NEXN: variants seen among roughly 807,000 people sequenced by gnomAD.
NEXN encodes nexilin.
NEXN carries 65 observed loss-of-function variants against 92.6 expected under a neutral mutation model. The ratio of observed to expected loss-of-function variants is 0.70; its 90% CI spans 0.57 to 0.86. The LOEUF (loss-of-function observed/expected upper bound fraction) is 0.86, where lower values mean the gene tolerates loss of function less well. NEXN is among the 40% of genes least tolerant of loss of function. NEXN has a pLI of 0.00. For synonymous variants in NEXN, 254 were observed against 242.5 expected (o/e 1.05, Z -0.44); for missense variants, 778 against 771.1 (o/e 1.01, Z -0.11).
intron 4 of NEXN, 24 bp downstream of exon 4, chr1:77,918,062 GTAAAT>G (rs1649116401): frequency 6.2e-7 from 1 of 1,612,504 alleles, no homozygotes; most frequent in Admixed American, 1.7e-5. Flanking sequence ...GGGGTAAATA[GTAAAT>G]TAAATTGCAA....
chr1:77,921,477 C>T (rs546835971), intron 5 of NEXN, among the ~76,000 whole-genome samples: 5 of 152,254 alleles, frequency 3.3e-5, no homozygotes, highest in African/African-American at 1.2e-4. Flanking sequence ...CAGAGTCTTG[C>T]TCTGTTGCCC....
At chr1:77,915,239 G>C (rs997416020) in intron 1 of NEXN, among the ~76,000 whole-genome samples, 1 of 152,112 alleles carries the variant, frequency 6.6e-6, no homozygotes, top group African/African-American at 2.4e-5. Flanking sequence ...CTTGAGCCCA[G>C]GAGTTCAAGG....
intron 5 of NEXN, among the ~76,000 whole-genome samples, chr1:77,920,281 G>A (rs1260925003): frequency 6.6e-6 from 1 of 152,160 alleles, no homozygotes; most frequent in Non-Finnish European, 1.5e-5. Context: ...ATAATTTAAT[G>A]TATCTTTGAA....
chr1:77,902,444 T>C (rs992893473), intron 1 of NEXN, among the ~76,000 whole-genome samples: 1 of 114,376 alleles, frequency 8.7e-6, no homozygotes, highest in African/African-American at 2.7e-5. Flanking sequence ...GCAAGAATTA[T>C]AGGTTTTGAT....
At position 77,943,155 on chromosome 1, in the gene NEXN, TACTC is replaced by T. The variant is rs1238749666; in HGVS notation, c.*328_*331del. 2 of 346,356 alleles carry T rather than the reference TACTC, an allele frequency of 5.8e-6. No homozygotes were observed. Among genetic ancestry groups the T allele is most frequent in the Admixed American group, 4.0e-5 (1 of 25,010 alleles). The allele number at this position is 346,356 out of a possible 1,614,324, so 21.5% of individuals were successfully genotyped here. ...ATAAAATGTACTTATGGGGGGGAAT[TACTC>T]AATTATTCTATCAGAACCTATTATA... On this transcript the variant is annotated 3_prime_UTR_variant, in exon 13 of 13. Transcript: ENST00000334785.
At position 77,943,384 on chromosome 1, in the gene NEXN, G is replaced by A; in HGVS notation, c.*555G>A. The A allele has an allele frequency of 6.1e-6, 1 of 164,590 alleles. No individual in the cohort carries two copies. The highest frequency in any genetic ancestry group is 5.9e-5 in the Admixed American group (1 of 16,810). 10.2% of individuals were successfully genotyped at this position (164,590 alleles called of 1,614,324 possible). On this transcript the variant is annotated 3_prime_UTR_variant, in exon 13 of 13. Coordinates refer to ENST00000334785, the MANE Select transcript of NEXN (RefSeq NM_144573.4). ...ATTTGAGTGGACTTTTTCTTTAGTAGTACACCATTTTGGTTGTTGTAGTTT... is the reference window on the plus strand; with the variant it reads ...ATTTGAGTGGACTTTTTCTTTAGTAATACACCATTTTGGTTGTTGTAGTTT...
intron 1 of NEXN, among the ~76,000 whole-genome samples, chr1:77,897,317 A>C (rs567044062): frequency 6.6e-6 from 1 of 152,368 alleles, no homozygotes; most frequent in East Asian, 1.9e-4. Context: ...CACCATGATC[A>C]AGTGGGCTTC....
intron 1 of NEXN, among the ~76,000 whole-genome samples, chr1:77,897,957 A>C (rs1446685673): frequency 2.6e-5 from 4 of 151,880 alleles, no homozygotes; most frequent in African/African-American, 7.3e-5. Flanking sequence ...TTACAAGGGA[A>C]GTGAAGGACC....
chr1:77,893,141 A>G (rs150409193), intron 1 of NEXN, among the ~76,000 whole-genome samples: 3,737 of 152,284 alleles, frequency 0.025, 52 homozygotes, highest in Middle Eastern at 0.065. Flanking sequence ...TGCTGGGATT[A>G]CAGGTGTGAG....
rs576835484 is a variant in NEXN, at chr1:77,897,743, T to C, written c.-53+8984T>C. On this transcript the variant is annotated intron_variant, in intron 1 of 12. Transcript: ENST00000334785. ...TTGTCCCTGTTTGCAGATGACATGA[T>C]TGTATATGTAGAAAACCCCACTGTC... Among the ~76,000 whole-genome samples the C allele has an allele frequency of 3.3e-5, 5 of 152,360 alleles. No homozygotes were observed. In the East Asian group the frequency reaches 7.7e-4, roughly 23 times the overall value.
At chr1:77,941,584 G>C (rs1651312680) in intron 11 of NEXN, 1 of 172,434 alleles carries the variant, frequency 5.8e-6, no homozygotes, top group African/African-American at 2.4e-5. Context: ...GAATTCATTA[G>C]GGACATAGTT....
At chr1:77,911,485 G>C (rs572447748) in intron 1 of NEXN, among the ~76,000 whole-genome samples, 2 of 151,982 alleles carry the variant, frequency 1.3e-5, no homozygotes, top group African/African-American at 4.8e-5. Context: ...CCAGCTACTT[G>C]GGAGGCTGAG....
intron 1 of NEXN, among the ~76,000 whole-genome samples, chr1:77,895,063 G>C (rs1371342896): frequency 1.3e-3 from 33 of 25,986 alleles, no homozygotes; most frequent in Non-Finnish European, 2.3e-3. Flanking sequence ...TTTTTTTTTT[G>C]AGATGGAGTC....
chr1:77,906,351 A>G (rs999688119), intron 1 of NEXN, among the ~76,000 whole-genome samples: 1 of 152,182 alleles, frequency 6.6e-6, no homozygotes, highest in Non-Finnish European at 1.5e-5. Flanking sequence ...TAATTAACCT[A>G]AACAGAAACT....
intron 8 of NEXN, 26 bp downstream of exon 8, chr1:77,926,918 A>G (rs777135580): frequency 2.6e-5 from 42 of 1,613,040 alleles, no homozygotes; most frequent in Non-Finnish European, 3.4e-5. Flanking sequence ...TAAACCTTAC[A>G]ATTAATATTA....
chr1:77,927,167 T>G (rs1268645480), intron 8 of NEXN, among the ~76,000 whole-genome samples: 1 of 151,708 alleles, frequency 6.6e-6, no homozygotes, highest in East Asian at 1.9e-4. Flanking sequence ...CCCAGCTGCT[T>G]GGGAGGCTAA....
intron 5 of NEXN, among the ~76,000 whole-genome samples, chr1:77,919,339 C>T (rs1440897762): frequency 6.6e-6 from 1 of 152,152 alleles, no homozygotes; most frequent in Non-Finnish European, 1.5e-5. Context: ...TCTTTTAAGG[C>T]ATACATTAAG....
intron 1 of NEXN, among the ~76,000 whole-genome samples, chr1:77,909,290 CATGCCTGT>C (rs1648378862): frequency 1.3e-5 from 2 of 152,074 alleles, no homozygotes; most frequent in South Asian, 4.1e-4. Context: ...CGTAGTGGGG[CATGCCTGT>C]AATCCCAGCT....
chr1:77,925,839 A>G (rs1188103382), intron 6 of NEXN, among the ~76,000 whole-genome samples: 1 of 152,116 alleles, frequency 6.6e-6, no homozygotes, highest in Middle Eastern at 3.2e-3. Flanking sequence ...GTCAGAGGCA[A>G]CAACAGATTA....
Sources: gnomAD v4.1 joint callset for allele counts (sites outside exome capture counted in the v4.1 genomes callset) on GRCh38, gnomAD v4.1.1 for gene constraint, MANE v1.5 for transcripts, NCBI Gene and HGNC (gene_info 2026-07-23, HGNC 2026-07-21) for gene names.